GPC5: variants seen among roughly 807,000 people sequenced by gnomAD.
GPC5 encodes the protein glypican-5.
GPC5 carries 47 observed loss-of-function variants against 53.9 expected under a neutral mutation model. The observed-to-expected ratio is 0.87, with a 90% CI of 0.69 to 1.11. The LOEUF (loss-of-function observed/expected upper bound fraction) is 1.11, where lower values mean the gene tolerates loss of function less well. Ranked by LOEUF, GPC5 falls within the 50% of genes most tolerant of loss-of-function variation. The pLI, the probability that GPC5 is intolerant of heterozygous loss-of-function variation, is 0.00. For synonymous variants in GPC5, 286 were observed against 263.3 expected (o/e 1.09, Z -0.84); for missense variants, 748 against 713.1 (o/e 1.05, Z -0.56).
intron 7 of GPC5, among the ~76,000 whole-genome samples, chr13:92,847,336 T>G (rs949380991): frequency 6.6e-6 from 1 of 152,178 alleles, no homozygotes; most frequent in Non-Finnish European, 1.5e-5. Context: ...GGTGAGCCAC[T>G]GTGATATGGT....
At chr13:92,829,154 C>T (rs905483707) in intron 7 of GPC5, among the ~76,000 whole-genome samples, 4 of 152,110 alleles carry the variant, frequency 2.6e-5, no homozygotes, top group African/African-American at 9.7e-5. Flanking sequence ...TCTCAAGAGA[C>T]TAGGAATGCC....
intron 7 of GPC5, among the ~76,000 whole-genome samples, chr13:92,522,652 A>G (rs1881107393): frequency 6.6e-6 from 1 of 152,164 alleles, no homozygotes; most frequent in South Asian, 2.1e-4. Context: ...AAGCATTAGG[A>G]GATACACCTA....
At chr13:92,650,426 T>C (rs994180575) in intron 7 of GPC5, among the ~76,000 whole-genome samples, 1 of 152,146 alleles carries the variant, frequency 6.6e-6, no homozygotes, top group Non-Finnish European at 1.5e-5. Flanking sequence ...TTTCACTTAA[T>C]ACAAACATGC....
chr13:92,288,148 T>C (rs1302389382), intron 7 of GPC5, among the ~76,000 whole-genome samples: 2 of 152,158 alleles, frequency 1.3e-5, no homozygotes, highest in African/African-American at 4.8e-5. Flanking sequence ...TTAATTCATG[T>C]TTCTGTTGAT....
intron 3 of GPC5, among the ~76,000 whole-genome samples, chr13:91,717,161 A>G (rs1236321524): frequency 6.6e-6 from 1 of 152,244 alleles, no homozygotes; most frequent in Admixed American, 6.5e-5. Flanking sequence ...GGAGAAAAAA[A>G]GAAAAGTAGA....
At chr13:92,825,970 T>C (rs1877834152) in intron 7 of GPC5, among the ~76,000 whole-genome samples, 1 of 152,148 alleles carries the variant, frequency 6.6e-6, no homozygotes, top group Non-Finnish European at 1.5e-5. Flanking sequence ...TCTCCATTCT[T>C]TCATGAGGGA....
chr13:92,317,598 A>G (rs1419881515), intron 7 of GPC5, among the ~76,000 whole-genome samples: 1 of 152,070 alleles, frequency 6.6e-6, no homozygotes, highest in Non-Finnish European at 1.5e-5. Context: ...GGTTCAAGTG[A>G]TACTCATGCC....
chr13:92,544,576 ATTGT>A (rs1196511710), intron 7 of GPC5, among the ~76,000 whole-genome samples: 10 of 151,816 alleles, frequency 6.6e-5, no homozygotes, highest in African/African-American at 1.9e-4. Flanking sequence ...GTGGCTTTTG[ATTGT>A]TTGTTTGTTT....
At chr13:92,234,866 C>G (rs2042558986) in intron 7 of GPC5, among the ~76,000 whole-genome samples, 1 of 152,090 alleles carries the variant, frequency 6.6e-6, no homozygotes, top group African/African-American at 2.4e-5. Context: ...AATTGATATG[C>G]CAAATTTGCA....
At chr13:92,523,060 T>C (rs990604591) in intron 7 of GPC5, among the ~76,000 whole-genome samples, 36 of 152,196 alleles carry the variant, frequency 2.4e-4, no homozygotes, top group African/African-American at 8.4e-4. Flanking sequence ...TGGCAGAAAA[T>C]GCGGAAAAGT....
At chr13:92,553,445 C>T (rs904637110) in intron 7 of GPC5, among the ~76,000 whole-genome samples, 3 of 151,872 alleles carry the variant, frequency 2.0e-5, no homozygotes, top group Admixed American at 2.0e-4. Flanking sequence ...AGTTGGATAC[C>T]TGGAAGTAGC....
chr13:92,602,233 C>CATATATATATATATATATATATATAACAT, intron 7 of GPC5, among the ~76,000 whole-genome samples: 1 of 119,496 alleles, frequency 8.4e-6, no homozygotes, highest in South Asian at 2.4e-4. Context: ...ATATATATAA[C>CATATATATATATATATATATATATAACAT]ATATATATAT....
At chr13:92,555,882 A>C (rs9584039) in intron 7 of GPC5, among the ~76,000 whole-genome samples, 40,117 of 151,028 alleles carry the variant, frequency 0.27, 5,572 homozygotes, top group African/African-American at 0.3. Flanking sequence ...ATTAGAGTGC[A>C]GCCAAGAAGA....
chr13:91,857,611 T>C (rs2038980753), intron 5 of GPC5, among the ~76,000 whole-genome samples: 1 of 151,228 alleles, frequency 6.6e-6, no homozygotes. Flanking sequence ...TGTTTCATTC[T>C]TTTTTCTTGC....
chr13:92,220,554 G>A (rs564332254), intron 7 of GPC5, among the ~76,000 whole-genome samples: 24 of 152,238 alleles, frequency 1.6e-4, no homozygotes, highest in Middle Eastern at 3.4e-3. Flanking sequence ...GGATACTATC[G>A]GGAAGTAAAC....
At chr13:92,559,663 T>C (rs1322669480) in intron 7 of GPC5, among the ~76,000 whole-genome samples, 1 of 151,624 alleles carries the variant, frequency 6.6e-6, no homozygotes, top group African/African-American at 2.4e-5. Flanking sequence ...TTATTCAAAC[T>C]AGCTAGTCCG....
At chr13:91,832,803 A>G (rs2038677753) in intron 5 of GPC5, among the ~76,000 whole-genome samples, 1 of 152,134 alleles carries the variant, frequency 6.6e-6, no homozygotes, top group Non-Finnish European at 1.5e-5. Context: ...AAGATCTAAA[A>G]TTGACACCCT....
chr13:92,221,698 C>T (rs911421345), intron 7 of GPC5, among the ~76,000 whole-genome samples: 1 of 150,084 alleles, frequency 6.7e-6, no homozygotes, highest in African/African-American at 2.4e-5. Context: ...AAAGTGCACG[C>T]CAACAATATC....
At chr13:91,901,134 A>AT (rs1182632310) in intron 5 of GPC5, among the ~76,000 whole-genome samples, 1 of 152,062 alleles carries the variant, frequency 6.6e-6, no homozygotes, top group Non-Finnish European at 1.5e-5. Flanking sequence ...TTATATTCTT[A>AT]ATAGGAAATT....
Sources: allele counts gnomAD v4.1 joint callset (sites outside exome capture counted in the v4.1 genomes callset), GRCh38; gene constraint gnomAD v4.1.1; transcripts MANE v1.5; gene names NCBI Gene and HGNC (gene_info 2026-07-23, HGNC 2026-07-21).